Variants in JAKMIP2 observed in about 807,000 individuals in gnomAD.
JAKMIP2 encodes janus kinase and microtubule interacting protein 2, also known as janus kinase and microtubule-interacting protein 2.
In JAKMIP2, 25 loss-of-function variants were observed where a neutral mutation model predicts 115.0. That is an observed-to-expected ratio of 0.22 (90% CI 0.16 to 0.30). The LOEUF (loss-of-function observed/expected upper bound fraction) is 0.30, where lower values mean the gene tolerates loss of function less well. Among genes scored for constraint, JAKMIP2 ranks in the 10% least tolerant of loss-of-function variants. The probability of loss-of-function intolerance (pLI) is 1.00; values close to 1 mark genes in which losing one functional copy is unlikely to be tolerated. For synonymous variants in JAKMIP2, 334 were observed against 343.6 expected, an observed-to-expected ratio of 0.97 and a Z score of 0.31; for missense variants, 642 against 957.6, an observed-to-expected ratio of 0.67 and a Z score of 4.35.
intron 1 of JAKMIP2, among the ~76,000 whole-genome samples, chr5:147,737,372 C>T (rs12652081): frequency 0.45 from 68,520 of 152,008 alleles, 16,394 homozygotes; most frequent in African/African-American, 0.61. Flanking sequence ...AAAGCACTTA[C>T]TAATAAATAG....
At chr5:147,733,662 T>C (rs2673104) in intron 1 of JAKMIP2, among the ~76,000 whole-genome samples, 6 of 152,134 alleles carry the variant, frequency 3.9e-5, no homozygotes, top group African/African-American at 1.4e-4. Flanking sequence ...CCCCTCCCTG[T>C]GTCCATGTGT....
rs1755808509 is a variant in JAKMIP2, at chr5:147,782,673, A to G, written c.-366T>C. 2 of 661,254 alleles carry G rather than the reference A, an allele frequency of 3.0e-6. No individual in the cohort carries two copies. The highest frequency in any genetic ancestry group is 5.5e-6 in the Non-Finnish European group (2 of 362,192). The allele number at this position is 661,254 out of a possible 1,614,324, so 41.0% of individuals were successfully genotyped here. The stretch of plus-strand genomic sequence containing the variant: ...TAGAGGCGGCGGCGGCGGCAGCAGC[A>G]GCAGCAGCAGCATCACCAGTTGGGC... On this transcript the variant is annotated 5_prime_UTR_variant, in exon 1 of 22. Transcript: ENST00000616793.
chr5:147,770,694 T>C (rs918908338), intron 1 of JAKMIP2, among the ~76,000 whole-genome samples: 4 of 152,066 alleles, frequency 2.6e-5, no homozygotes, highest in African/African-American at 9.7e-5. Flanking sequence ...GCTCTCTGGA[T>C]CTGGAGGAAA....
At chr5:147,721,715 C>G (rs552608012) in intron 1 of JAKMIP2, among the ~76,000 whole-genome samples, 4 of 152,230 alleles carry the variant, frequency 2.6e-5, no homozygotes, top group South Asian at 2.1e-4. Context: ...GGCTCGCGCA[C>G]GGTGCGCGCA....
intron 1 of JAKMIP2, among the ~76,000 whole-genome samples, chr5:147,762,202 T>C (rs1421521078): frequency 1.3e-5 from 2 of 152,172 alleles, no homozygotes; most frequent in East Asian, 3.9e-4. Context: ...ATCATTCTAG[T>C]ATATTTTTTA....
At chr5:147,752,269 G>A (rs1754586183) in intron 1 of JAKMIP2, among the ~76,000 whole-genome samples, 1 of 152,144 alleles carries the variant, frequency 6.6e-6, no homozygotes, top group African/African-American at 2.4e-5. Flanking sequence ...TGGAGTGCCT[G>A]GGGCCAAAAG....
chr5:147,688,982 T>C (rs1278617545), intron 1 of JAKMIP2, among the ~76,000 whole-genome samples: 2 of 152,156 alleles, frequency 1.3e-5, no homozygotes, highest in Non-Finnish European at 2.9e-5. Flanking sequence ...TAATGTGTTA[T>C]GGGAAAAAAT....
intron 1 of JAKMIP2, among the ~76,000 whole-genome samples, chr5:147,679,015 C>CT (rs1760123337): frequency 1.3e-5 from 2 of 151,940 alleles, no homozygotes; most frequent in African/African-American, 4.8e-5. Context: ...GAGTCTCCCT[C>CT]TGTCACTCAG....
chr5:147,701,387 C>T (rs1752319462), intron 1 of JAKMIP2, among the ~76,000 whole-genome samples: 1 of 152,156 alleles, frequency 6.6e-6, no homozygotes, highest in Admixed American at 6.5e-5. Context: ...AAGGAATCTT[C>T]TTGTGAGCAA....
intron 1 of JAKMIP2, among the ~76,000 whole-genome samples, chr5:147,672,319 T>C (rs1759651282): frequency 6.6e-6 from 1 of 152,196 alleles, no homozygotes; most frequent in South Asian, 2.1e-4. Context: ...ACCTATGTGA[T>C]GACCTCAAAA....
At chr5:147,700,324 T>C (rs562089742) in intron 1 of JAKMIP2, among the ~76,000 whole-genome samples, 56 of 152,140 alleles carry the variant, frequency 3.7e-4, no homozygotes, top group African/African-American at 1.3e-3. Flanking sequence ...TAATTATAAT[T>C]GAAAATTAAA....
At position 147,711,981 on chromosome 5, in the gene JAKMIP2, G is replaced by A. The variant is rs556601984; in HGVS notation, c.-148-40027C>T. On this transcript the variant is annotated intron_variant, in intron 1 of 21. Coordinates refer to ENST00000616793, the MANE Select transcript of JAKMIP2 (RefSeq NM_001270941.2). ...ATGTAGACTTCATGGTGTTGATAAA[G>A]ATATCTTTATCAATTATACAACTTT... Among the ~76,000 whole-genome samples, 149 of 152,282 alleles carry A rather than the reference G, an allele frequency of 9.8e-4. 1 individual carries two copies. Among genetic ancestry groups the A allele is most frequent in the African/African-American group, 3.5e-3 (144 of 41,564 alleles).
intron 2 of JAKMIP2, among the ~76,000 whole-genome samples, chr5:147,671,437 C>T (rs1432403357): frequency 2.6e-5 from 4 of 152,196 alleles, no homozygotes; most frequent in East Asian, 1.9e-4. Flanking sequence ...CTTCCTGAAC[C>T]GGGCTTCCAG....
chr5:147,592,800 G>A (rs1755161750), intron 21 of JAKMIP2, among the ~76,000 whole-genome samples: 1 of 152,160 alleles, frequency 6.6e-6, no homozygotes, highest in Admixed American at 6.5e-5. Flanking sequence ...ACAATCTAAA[G>A]TGGAGGAAAA....
chr5:147,773,322 G>A (rs994025), intron 1 of JAKMIP2, among the ~76,000 whole-genome samples: 49,286 of 151,994 alleles, frequency 0.32, 9,433 homozygotes, highest in African/African-American at 0.54. Context: ...GCACCACAAG[G>A]CTATGATTAG....
intron 1 of JAKMIP2, among the ~76,000 whole-genome samples, chr5:147,729,400 C>G (rs1381128391): frequency 6.6e-6 from 1 of 152,018 alleles, no homozygotes; most frequent in Non-Finnish European, 1.5e-5. Flanking sequence ...CAGGGGAGGA[C>G]AGAAAAATCA....
At chr5:147,744,688 T>A (rs1022348431) in intron 1 of JAKMIP2, among the ~76,000 whole-genome samples, 2 of 152,138 alleles carry the variant, frequency 1.3e-5, no homozygotes, top group Non-Finnish European at 2.9e-5. Flanking sequence ...AATATAAACA[T>A]TTAAAATGGG....
chr5:147,635,854 C>A (rs1009341040), intron 12 of JAKMIP2, among the ~76,000 whole-genome samples: 3 of 152,152 alleles, frequency 2.0e-5, no homozygotes, highest in Admixed American at 6.5e-5. Flanking sequence ...AGCCACTGTG[C>A]CTGGCCCTCA....
chr5:147,628,518 T>C lies in JAKMIP2; in HGVS notation c.1995+233A>G, dbSNP rs1450108524. ...GGTTTTCTGTTTTTAAAAAATTATA[T>C]ATATTTTTAAGGAACTTCAAAGCAA... On this transcript the variant is annotated intron_variant, in intron 16 of 21. Coordinates refer to ENST00000616793, the MANE Select transcript of JAKMIP2 (RefSeq NM_001270941.2). Among the ~76,000 whole-genome samples the C allele has an allele frequency of 2.6e-5, 4 of 152,198 alleles. No individual in the cohort carries two copies. In the East Asian group the frequency reaches 5.8e-4, roughly 22 times the overall value.
Sources: allele counts gnomAD v4.1 joint callset (sites outside exome capture counted in the v4.1 genomes callset), GRCh38; gene constraint gnomAD v4.1.1; transcripts MANE v1.5; gene names NCBI Gene and HGNC (gene_info 2026-07-23, HGNC 2026-07-21).